Variants in REXO1 observed in about 807,000 individuals in gnomAD.
REXO1 encodes REX1, RNA exonuclease 1 homolog.
In REXO1, 42 loss-of-function variants were observed where a neutral mutation model predicts 102.6. The ratio of observed to expected loss-of-function variants is 0.41; its 90% CI spans 0.32 to 0.53. REXO1 has a LOEUF of 0.53. REXO1 is among the 20% of genes least tolerant of loss of function. The pLI, the probability that REXO1 is intolerant of heterozygous loss-of-function variation, is 0.27. For synonymous variants in REXO1, 908 were observed against 779.1 expected (o/e 1.17, Z -2.76); for missense variants, 1,819 against 1,732.5 (o/e 1.05, Z -0.89).
At chr19:1,822,192 G>C (rs945208815) in intron 4 of REXO1, 1 of 293,108 alleles carries the variant, frequency 3.4e-6, no homozygotes, top group Non-Finnish European at 6.2e-6. Flanking sequence ...CTGTGTGGCA[G>C]GGGGGCTTCT....
chr19:1,824,038 C>G, intron 3 of REXO1: 1 of 383,562 alleles, frequency 2.6e-6, no homozygotes. Flanking sequence ...TGATAAGGCA[C>G]GGGTGGGCGG....
intron 13 of REXO1, 53 bp downstream of exon 13, chr19:1,816,645 C>G (rs1391988480): frequency 5.0e-6 from 8 of 1,586,306 alleles, no homozygotes; most frequent in Non-Finnish European, 6.9e-6. Context: ...GGGTGGGTCC[C>G]TGGGGAGAGG....
At chr19:1,834,862 T>TC (rs2069996026) in intron 1 of REXO1, 4 of 274,142 alleles carry the variant, frequency 1.5e-5, no homozygotes, top group Middle Eastern at 4.3e-4. Flanking sequence ...GCAGGCATGC[T>TC]AGGCGGGTCC....
At position 1,818,471 on chromosome 19, in the gene REXO1, T is replaced by G. The variant is rs771273200; in HGVS notation, c.3016+11A>C. The G allele has an allele frequency of 1.3e-6, 2 of 1,578,542 alleles. No individual in the cohort carries two copies. Among genetic ancestry groups the G allele is most frequent in the Admixed American group, 1.8e-5 (1 of 55,822 alleles). On this transcript the variant is annotated intron_variant, in intron 10 of 15. Transcript: ENST00000170168. ...TGGGTGGGAAGGGGAAGGACCCGGG[T>G]AAGGCCTTACCCCGGTTCCGGCGCA...
Position 1,815,549 on chromosome 19 carries a change from T to G in REXO1, c.*517A>C. 1 of 504,768 alleles carries G rather than the reference T, an allele frequency of 2.0e-6. No individual in the cohort carries two copies. The highest frequency in any genetic ancestry group is 3.1e-5 in the South Asian group (1 of 32,752). The allele number at this position is 504,768 out of a possible 1,614,324, so 31.3% of individuals were successfully genotyped here. ...AGTGTGGCCCTGGCCCCCACTGGGGTCTGTCCCACCCCCACCCCGCAGGAG... is the reference window on the plus strand; with the variant it reads ...AGTGTGGCCCTGGCCCCCACTGGGGGCTGTCCCACCCCCACCCCGCAGGAG... On this transcript the variant is annotated 3_prime_UTR_variant, in exon 16 of 16. Transcript: ENST00000170168. This position sits in a 1 kb window ranked among gnomAD's most constrained non-coding sequence, Gnocchi z 4.0.
At chr19:1,823,387 C>G (rs2069607881) in intron 4 of REXO1, 185 bp downstream of exon 4, 1 of 411,254 alleles carries the variant, frequency 2.4e-6, no homozygotes, top group Non-Finnish European at 4.2e-6. Context: ...TGGGCCAGGC[C>G]TCCTGCACCC....
At chr19:1,819,339 T>C (rs1257880957) in intron 7 of REXO1, among the ~76,000 whole-genome samples, 1 of 152,010 alleles carries the variant, frequency 6.6e-6, no homozygotes, top group African/African-American at 2.4e-5. Context: ...AGCCGCCAGC[T>C]CTGCAGGCCC....
Position 1,825,320 on chromosome 19 carries a change from A to C in REXO1, c.2016+519T>G, listed in dbSNP as rs202156807. 4.1e-3 allele frequency among the ~76,000 whole-genome samples: 494 copies of C among 120,016 alleles called. 13 individuals are homozygous for C. The highest frequency in any genetic ancestry group is 0.015 in the African/African-American group (400 of 27,480). 78.7% of individuals were successfully genotyped at this position (120,016 alleles called of 152,430 possible). Reference sequence around the variant, plus strand: ...GTCTCAAAAAAAAAAAAAAAAAAAAAAACAACCAAAAAACAAACAAACAGA... The same window carrying C: ...GTCTCAAAAAAAAAAAAAAAAAAAACAACAACCAAAAAACAAACAAACAGA... On this transcript the variant is annotated intron_variant, in intron 3 of 15. Transcript: ENST00000170168.
chr19:1,842,923 G>A (rs1027416764), intron 1 of REXO1, among the ~76,000 whole-genome samples: 4 of 152,166 alleles, frequency 2.6e-5, no homozygotes, highest in Non-Finnish European at 4.4e-5. Context: ...GGAACCCAGC[G>A]CTTTTCCCAT....
rs919772265 is a variant in REXO1 at position 1,826,225 on chromosome 19, C to T, written c.1912-282G>A. ...GCAGAATGAAAGCACACTGGGAAAGCGAGGCCACCTTGGGCCGAACCAGCT... is the reference window on the plus strand; with the variant it reads ...GCAGAATGAAAGCACACTGGGAAAGTGAGGCCACCTTGGGCCGAACCAGCT... On this transcript the variant is annotated intron_variant, in intron 2 of 15. Transcript: ENST00000170168. The surrounding 1 kb of genome is among the most constrained non-coding windows in gnomAD (Gnocchi z 4.3). Among the ~76,000 whole-genome samples the T allele has an allele frequency of 7.2e-5, 11 of 152,140 alleles. No homozygotes were observed. Among genetic ancestry groups the T allele is most frequent in the Admixed American group, 5.2e-4 (8 of 15,274 alleles).
rs772410760 is a variant in REXO1, at chr19:1,826,870, C to A, written c.1911+8G>T. 1.9e-6 allele frequency: 3 copies of A among 1,567,850 alleles called. No homozygotes were observed. The highest frequency in any genetic ancestry group is 2.7e-5 in the African/African-American group (2 of 74,022). On this transcript the variant is annotated splice_region_variant and intron_variant, in intron 2 of 15. Transcript: ENST00000170168. The surrounding 1 kb of genome is among the most constrained non-coding windows in gnomAD (Gnocchi z 4.3). ...CCCGAGCCCAGCCCCAGCACCCGCG[C>A]GCCTCACCTGCCGGGCCAGCCGGCC...
At chr19:1,842,646 C>A (rs944532092) in intron 1 of REXO1, among the ~76,000 whole-genome samples, 2 of 152,182 alleles carry the variant, frequency 1.3e-5, no homozygotes, top group Non-Finnish European at 2.9e-5. Flanking sequence ...AAAGCCCCCC[C>A]AAAAAAACAG....
At position 1,815,688 on chromosome 19, in the gene REXO1, A is replaced by AC. The variant is rs1436659175; in HGVS notation, c.*377dup. On this transcript the variant is annotated 3_prime_UTR_variant, in exon 16 of 16. Transcript: ENST00000170168. This position sits in a 1 kb window ranked among gnomAD's most constrained non-coding sequence, Gnocchi z 4.0. ...AATAAAAAAAGACTGTCTCAAACAAACCTGGGACAAGCCCGCCCCGCGACC... is the reference window on the plus strand; with the variant it reads ...AATAAAAAAAGACTGTCTCAAACAAACCCTGGGACAAGCCCGCCCCGCGACC... 1.5e-6 allele frequency: 2 copies of AC among 1,328,272 alleles called. No individual in the cohort carries two copies. Among genetic ancestry groups the AC allele is most frequent in the Non-Finnish European group, 1.9e-6 (2 of 1,031,280 alleles). 82.3% of individuals were successfully genotyped at this position (1,328,272 alleles called of 1,614,324 possible).
chr19:1,836,227 C>T (rs116376019), intron 1 of REXO1, among the ~76,000 whole-genome samples: 5,125 of 152,300 alleles, frequency 0.034, 275 homozygotes, highest in African/African-American at 0.12. Context: ...CAACCCCACA[C>T]GGAGACTGAA....
chr19:1,841,343 C>T (rs1030632155), intron 1 of REXO1, among the ~76,000 whole-genome samples: 1 of 152,248 alleles, frequency 6.6e-6, no homozygotes, highest in Non-Finnish European at 1.5e-5. Context: ...CCTGCCTGCT[C>T]CTCTCTAGGG....
intron 6 of REXO1, 40 bp from the exon 7 acceptor site, chr19:1,820,097 T>TGGTGCCGGGGAGCCCCAGC: frequency 6.3e-7 from 1 of 1,586,752 alleles, no homozygotes. Context: ...CATGCCTGCC[T>TGGTGCCGGGGAGCCCCAGC]GGTGCCGGGG....
At chr19:1,842,640 C>G (rs1189328366) in intron 1 of REXO1, among the ~76,000 whole-genome samples, 1 of 152,182 alleles carries the variant, frequency 6.6e-6, no homozygotes, top group Admixed American at 6.5e-5. Context: ...TTGGGAAAAG[C>G]CCCCCCAAAA....
intron 1 of REXO1, among the ~76,000 whole-genome samples, chr19:1,833,153 AGG>A (rs967180875): frequency 6.6e-6 from 1 of 152,182 alleles, no homozygotes; most frequent in African/African-American, 2.4e-5. Context: ...TGAGCCTAAG[AGG>A]TCAAGGCTTC....
intron 1 of REXO1, among the ~76,000 whole-genome samples, chr19:1,832,587 G>C (rs2069936235): frequency 6.6e-6 from 1 of 152,014 alleles, no homozygotes; most frequent in African/African-American, 2.4e-5. Flanking sequence ...TTAGGGACCA[G>C]GCACGGTGGC....
Sources: allele counts gnomAD v4.1 joint callset (sites outside exome capture counted in the v4.1 genomes callset), GRCh38; gene constraint gnomAD v4.1.1; non-coding constraint Gnocchi (gnomAD v3.1); transcripts MANE v1.5; gene names NCBI Gene and HGNC (gene_info 2026-07-23, HGNC 2026-07-21).